Variants in C1orf105 observed in about 807,000 individuals in gnomAD.
C1orf105 encodes the protein chromosome 1 open reading frame 105, also known as uncharacterized protein C1orf105.
C1orf105 carries 17 observed loss-of-function variants against 20.8 expected under a neutral mutation model. The observed-to-expected ratio is 0.82, with a 90% CI of 0.56 to 1.23. The LOEUF (loss-of-function observed/expected upper bound fraction) is 1.23, where lower values mean the gene tolerates loss of function less well. C1orf105 is among the 50% of genes most tolerant of loss of function. The pLI, the probability that C1orf105 is intolerant of heterozygous loss-of-function variation, is 0.00. For missense variants in C1orf105, 219 were observed against 213.5 expected, an observed-to-expected ratio of 1.03 and a Z score of -0.16; for synonymous variants, 72 against 72.1, an observed-to-expected ratio of 1.00 and a Z score of 0.01.
intron 3 of C1orf105, among the ~76,000 whole-genome samples, chr1:172,454,885 A>G (rs570484786): frequency 6.6e-6 from 1 of 152,274 alleles, no homozygotes; most frequent in East Asian, 1.9e-4. Context: ...ACTATGTCTT[A>G]TTTATTTAAA....
At chr1:172,447,780 T>C (rs910702553) in intron 2 of C1orf105, among the ~76,000 whole-genome samples, 1 of 152,248 alleles carries the variant, frequency 6.6e-6, no homozygotes, top group Non-Finnish European at 1.5e-5. Context: ...TTTCTATTTC[T>C]TGGATGCCAG....
At chr1:172,427,042 T>C (rs1192925392) in intron 1 of C1orf105, among the ~76,000 whole-genome samples, 2 of 152,190 alleles carry the variant, frequency 1.3e-5, no homozygotes, top group East Asian at 3.9e-4. Context: ...AAGTGAGCCC[T>C]TAATACTGCC....
At chr1:172,450,323 G>T (rs534136589) in intron 3 of C1orf105, among the ~76,000 whole-genome samples, 1 of 152,182 alleles carries the variant, frequency 6.6e-6, no homozygotes, top group Admixed American at 6.5e-5. Flanking sequence ...TAGGGAACCC[G>T]GGATCCTTGC....
intron 1 of C1orf105, among the ~76,000 whole-genome samples, chr1:172,429,221 T>TAC (rs2071799952): frequency 3.2e-5 from 2 of 62,780 alleles, no homozygotes; most frequent in African/African-American, 7.0e-5. Flanking sequence ...TAAATACAAA[T>TAC]ATACACACAC....
intron 4 of C1orf105, among the ~76,000 whole-genome samples, chr1:172,457,741 T>A (rs1649392302): frequency 6.6e-6 from 1 of 152,220 alleles, no homozygotes; most frequent in Non-Finnish European, 1.5e-5. Flanking sequence ...AGACCTCTTC[T>A]CTGACCTTTG....
chr1:172,450,253 G>A (rs930195748), intron 3 of C1orf105, among the ~76,000 whole-genome samples: 3 of 152,166 alleles, frequency 2.0e-5, no homozygotes, highest in African/African-American at 7.2e-5. Flanking sequence ...TCCTGTTAGG[G>A]GCTGACCCTC....
chr1:172,439,220 T>C (rs2072137962), intron 1 of C1orf105, among the ~76,000 whole-genome samples: 1 of 152,190 alleles, frequency 6.6e-6, no homozygotes, highest in Admixed American at 6.5e-5. Flanking sequence ...ATATACACAC[T>C]TATATATGAT....
intron 1 of C1orf105, among the ~76,000 whole-genome samples, chr1:172,438,244 T>C (rs549995142): frequency 6.6e-6 from 1 of 152,358 alleles, no homozygotes; most frequent in African/African-American, 2.4e-5. Flanking sequence ...CTTTGAAGTC[T>C]AATTAAGAAA....
chr1:172,458,480 A>G (rs1307081548), intron 4 of C1orf105, among the ~76,000 whole-genome samples: 1 of 152,222 alleles, frequency 6.6e-6, no homozygotes. Flanking sequence ...TTATTTAGGA[A>G]TAAATTTAAC....
chr1:172,448,403 G>A (rs780788649), intron 2 of C1orf105, 38 bp from the exon 3 acceptor site: 2 of 1,380,678 alleles, frequency 1.4e-6, no homozygotes, highest in Admixed American at 1.7e-5. Context: ...TCAAACATGG[G>A]ACTGCGGTTC....
At chr1:172,462,622 C>G (rs916591035) in intron 5 of C1orf105, among the ~76,000 whole-genome samples, 5 of 152,144 alleles carry the variant, frequency 3.3e-5, no homozygotes, top group African/African-American at 7.2e-5. Flanking sequence ...CCAAGATGTT[C>G]TCTGCTACGT....
intron 3 of C1orf105, among the ~76,000 whole-genome samples, chr1:172,448,901 C>T (rs1648301821): frequency 6.6e-6 from 1 of 152,182 alleles, no homozygotes; most frequent in Non-Finnish European, 1.5e-5. Context: ...CAACTCCCTA[C>T]ACCTGTGGAA....
chr1:172,455,922 C>T (rs941412839), intron 3 of C1orf105, among the ~76,000 whole-genome samples: 29 of 152,030 alleles, frequency 1.9e-4, no homozygotes, highest in African/African-American at 6.3e-4. Context: ...GAAAGGAAGG[C>T]GATGCTTAGG....
chr1:172,428,298 T>G (rs912517024), intron 1 of C1orf105, among the ~76,000 whole-genome samples: 7 of 152,202 alleles, frequency 4.6e-5, no homozygotes, highest in African/African-American at 1.7e-4. Context: ...CTGTGTCTAC[T>G]CTTGCCCTAC....
chr1:172,452,445 G>T (rs1648754444), intron 3 of C1orf105, among the ~76,000 whole-genome samples: 1 of 152,234 alleles, frequency 6.6e-6, no homozygotes, highest in East Asian at 1.9e-4. Context: ...CAGGGTGCTT[G>T]TGAAGCCTGT....
At chr1:172,442,258 C>A (rs746026225) in intron 1 of C1orf105, 26 of 1,613,804 alleles carry the variant, frequency 1.6e-5, no homozygotes, top group Non-Finnish European at 2.2e-5. Context: ...GACTAGGGCA[C>A]TCTTCAGGTC....
chr1:172,449,607 C>T lies in C1orf105; in HGVS notation c.198+1076C>T, dbSNP rs1048941034. The stretch of plus-strand genomic sequence containing the variant: ...AGCATACATGAAAGGGAAACAAGGA[C>T]GCGGCTGGGCCCAGCTAATGCACAC... On this transcript the variant is annotated intron_variant, in intron 3 of 6. Transcript: ENST00000367727. Among the ~76,000 whole-genome samples, 10 of 152,144 alleles carry T rather than the reference C, an allele frequency of 6.6e-5. No individual in the cohort carries two copies. The South Asian group carries it at 1.9e-3, about 28-fold the overall frequency.
intron 1 of C1orf105, among the ~76,000 whole-genome samples, chr1:172,422,326 C>T (rs569506009): frequency 6.6e-6 from 1 of 152,298 alleles, no homozygotes; most frequent in African/African-American, 2.4e-5. Flanking sequence ...GGGCAAAATC[C>T]TGAGGCACTC....
intron 1 of C1orf105, chr1:172,442,979 T>C (rs1647494991): frequency 4.9e-6 from 1 of 202,870 alleles, no homozygotes; most frequent in South Asian, 1.3e-4. Context: ...ATTTCAGATT[T>C]GAAAATTATA....
Sources: allele counts gnomAD v4.1 joint callset (sites outside exome capture counted in the v4.1 genomes callset), GRCh38; gene constraint gnomAD v4.1.1; transcripts MANE v1.5; gene names NCBI Gene and HGNC (gene_info 2026-07-23, HGNC 2026-07-21).